AGMO: variants seen among roughly 807,000 people sequenced by gnomAD.
AGMO encodes the protein glyceryl-ether monooxygenase.
In AGMO, 75 loss-of-function variants were observed where a neutral mutation model predicts 60.2. The ratio of observed to expected loss-of-function variants is 1.25; its 90% CI spans 1.03 to 1.51. The LOEUF is 1.51. Ranked by LOEUF, AGMO falls within the 40% of genes most tolerant of loss-of-function variation. The pLI, the probability that AGMO is intolerant of heterozygous loss-of-function variation, is 0.00. For missense variants in AGMO, 763 were observed against 525.5 expected (o/e 1.45, Z -4.42); for synonymous variants, 261 against 177.1 (o/e 1.47, Z -3.76).
chr7:15,328,258 C>T (rs756246623), intron 12 of AGMO, among the ~76,000 whole-genome samples: 5 of 151,952 alleles, frequency 3.3e-5, no homozygotes, highest in Non-Finnish European at 7.4e-5. Context: ...CCACCACACC[C>T]GGCTAGTTTT....
At chr7:15,397,193 G>C (rs906921500) in intron 5 of AGMO, among the ~76,000 whole-genome samples, 13 of 152,242 alleles carry the variant, frequency 8.5e-5, no homozygotes, top group African/African-American at 2.6e-4. Context: ...AGAAAGAGAC[G>C]GAGACCCGCC....
intron 3 of AGMO, among the ~76,000 whole-genome samples, chr7:15,446,680 T>C (rs28660534): frequency 0.13 from 20,042 of 152,228 alleles, 1,416 homozygotes; most frequent in Non-Finnish European, 0.14. Context: ...ACAACCAACA[T>C]GGCAATTTAA....
At chr7:15,177,655 T>C in the AGMO span, among the ~76,000 whole-genome samples, 7 of 152,156 alleles carry the variant, frequency 4.6e-5, no homozygotes, top group Non-Finnish European at 1.5e-5. Context: ...ATGAATAGCA[T>C]GTCTTAACTC....
intron 12 of AGMO, among the ~76,000 whole-genome samples, chr7:15,288,248 G>A (rs1471774159): frequency 6.6e-6 from 1 of 151,520 alleles, no homozygotes; most frequent in Non-Finnish European, 1.5e-5. Context: ...TAGCCAGGAT[G>A]GTCTTGATCT....
intron 12 of AGMO, among the ~76,000 whole-genome samples, chr7:15,290,293 T>C (rs1376937497): frequency 5.3e-5 from 8 of 151,994 alleles, no homozygotes; most frequent in African/African-American, 9.7e-5. Context: ...TCCCGAAGTG[T>C]TGGGATTACA....
At chr7:15,208,729 A>C (rs1362125132) in intron 12 of AGMO, among the ~76,000 whole-genome samples, 3 of 152,156 alleles carry the variant, frequency 2.0e-5, no homozygotes, top group Non-Finnish European at 4.4e-5. Flanking sequence ...TTTTACTCAT[A>C]TTTCTGTAAA....
chr7:15,450,640 C>A (rs910324868), intron 3 of AGMO, among the ~76,000 whole-genome samples: 1 of 152,024 alleles, frequency 6.6e-6, no homozygotes, highest in Non-Finnish European at 1.5e-5. Context: ...TTCATAATCA[C>A]AAACATACAT....
At chr7:15,353,318 A>T (rs62450354) in intron 12 of AGMO, among the ~76,000 whole-genome samples, 4,708 of 152,314 alleles carry the variant, frequency 0.031, 96 homozygotes, top group Admixed American at 0.05. Flanking sequence ...AGAACAAGCC[A>T]TGCAGAAAGC....
intron 12 of AGMO, among the ~76,000 whole-genome samples, chr7:15,351,684 C>T (rs2128554021): frequency 1.3e-5 from 2 of 152,246 alleles, no homozygotes; most frequent in Middle Eastern, 3.4e-3. Flanking sequence ...CATGTTCATG[C>T]AATAGCAGCT....
intron 12 of AGMO, among the ~76,000 whole-genome samples, chr7:15,275,427 T>A (rs1302791389): frequency 6.6e-6 from 1 of 152,166 alleles, no homozygotes; most frequent in African/African-American, 2.4e-5. Flanking sequence ...TCAGTTTTTT[T>A]AATTGATTGA....
At chr7:15,301,300 G>A (rs1784553136) in intron 12 of AGMO, among the ~76,000 whole-genome samples, 1 of 152,076 alleles carries the variant, frequency 6.6e-6, no homozygotes, top group Non-Finnish European at 1.5e-5. Context: ...TTAGCTAGGT[G>A]TGGTGGCACA....
rs1491292863 is a variant in AGMO at position 15,322,722 on chromosome 7, A to ATATT, written c.1263+42791_1263+42792insAATA. Among the ~76,000 whole-genome samples, 98 of 40,298 alleles carry ATATT rather than the reference A, an allele frequency of 2.4e-3. 5 individuals are homozygous for ATATT. The highest frequency in any genetic ancestry group is 0.014 in the African/African-American group (91 of 6,712). The allele number at this position is 40,298 out of a possible 152,430, so 26.4% of individuals were successfully genotyped here. On this transcript the variant is annotated intron_variant, in intron 12 of 12. Transcript: ENST00000342526. ...TATGTATAAATATATATAAATATAT[A>ATATT]AATATATATATAAATATATAAATAT...
the AGMO span, among the ~76,000 whole-genome samples, chr7:15,128,363 C>A: frequency 5.3e-5 from 8 of 152,008 alleles, no homozygotes; most frequent in African/African-American, 1.4e-4. Flanking sequence ...GTCACCAGTA[C>A]AATAGAAGAT....
At chr7:15,381,068 T>C (rs1232047088) in intron 10 of AGMO, among the ~76,000 whole-genome samples, 5 of 152,012 alleles carry the variant, frequency 3.3e-5, no homozygotes, top group Non-Finnish European at 7.4e-5. Context: ...CCTAAAACTA[T>C]AAAAACCCTT....
At chr7:15,118,347 G>A in the AGMO span, among the ~76,000 whole-genome samples, 1 of 151,936 alleles carries the variant, frequency 6.6e-6, no homozygotes, top group South Asian at 2.1e-4. Flanking sequence ...ATCTTTTAGG[G>A]GAGATTATAG....
At chr7:15,365,279 C>T (rs757475951) in intron 12 of AGMO, among the ~76,000 whole-genome samples, 5 of 149,444 alleles carry the variant, frequency 3.3e-5, no homozygotes, top group African/African-American at 7.4e-5. Context: ...TGTCCAACAA[C>T]TCTATGAGGT....
chr7:15,190,181 A>T, the AGMO span, among the ~76,000 whole-genome samples: 1 of 1,524 alleles, frequency 6.6e-4, no homozygotes, highest in Non-Finnish European at 1.4e-3. Context: ...ATATATATAT[A>T]TTTATATATA....
At chr7:15,512,547 C>T (rs376664541) in intron 3 of AGMO, among the ~76,000 whole-genome samples, 2 of 152,266 alleles carry the variant, frequency 1.3e-5, no homozygotes, top group African/African-American at 4.8e-5. Flanking sequence ...ACCACTATGC[C>T]CGGCCTAAAG....
chr7:15,184,407 G>GGGGGGA, the AGMO span, among the ~76,000 whole-genome samples: 1 of 63,726 alleles, frequency 1.6e-5, no homozygotes. Flanking sequence ...GAGGAAGAAA[G>GGGGGGA]GGAAGGAAGG....
Sources: gnomAD v4.1 joint callset for allele counts (sites outside exome capture counted in the v4.1 genomes callset) on GRCh38, gnomAD v4.1.1 for gene constraint, MANE v1.5 for transcripts, NCBI Gene and HGNC (gene_info 2026-07-23, HGNC 2026-07-21) for gene names.